Variants in GZMK observed in about 807,000 individuals in gnomAD.
GZMK encodes NK-Tryp-2.
A neutral mutation model predicts 22.8 loss-of-function variants in GZMK; 18 were observed. The observed-to-expected ratio is 0.79, with a 90% CI of 0.54 to 1.17. The LOEUF (loss-of-function observed/expected upper bound fraction) is 1.17. Among genes scored for constraint, GZMK ranks in the 50% most tolerant of loss-of-function variants. GZMK has a pLI of 0.00. For synonymous variants in GZMK, 136 were observed against 115.0 expected, an observed-to-expected ratio of 1.18 and a Z score of -1.17; for missense variants, 342 against 320.2, an observed-to-expected ratio of 1.07 and a Z score of -0.52.
rs1287483067 is a variant in GZMK at position 55,033,886 on chromosome 5, C to T, written c.755C>T (p.Thr252Ile). 1.2e-6 allele frequency: 2 copies of T among 1,613,278 alleles called. No individual in the cohort carries two copies. Among genetic ancestry groups the T allele is most frequent in the Non-Finnish European group, 1.7e-6 (2 of 1,179,630 alleles). Residue 252 changes from threonine (T) to isoleucine (I), a missense_variant, in exon 5 of 5, where the codon ACT becomes ATT. By Grantham distance (89) the Thr-to-Ile change is moderately conservative (BLOSUM62 -1). Coordinates refer to ENST00000231009, the MANE Select transcript of GZMK (RefSeq NM_002104.3). ...ACCCTGTTAACCAAGAAATACCAGA[C>T]TTGGATCAAAAGCAACCTTGTCCCG... ...IYTLLTKKYQTWIKSNLVPPH... is the reference protein window; with the variant it reads ...IYTLLTKKYQIWIKSNLVPPH...
At chr5:55,031,175 T>C (rs1741222991) in intron 3 of GZMK, among the ~76,000 whole-genome samples, 189 bp from the exon 4 acceptor site, 2 of 152,150 alleles carry the variant, frequency 1.3e-5, no homozygotes, top group Non-Finnish European at 2.9e-5. Context: ...CAAGCCTCAG[T>C]GAGCTCCTCG....
chr5:55,031,515 C>T lies in GZMK; in HGVS notation c.515C>T (p.Thr172Ile). 6.2e-7 allele frequency: 1 copy of T among 1,614,136 alleles called. No homozygotes were observed. The highest frequency in any genetic ancestry group is 8.5e-7 in the Non-Finnish European group (1 of 1,179,976). Residue 172 changes from threonine (T) to isoleucine (I), a missense_variant, in exon 4 of 5, where the codon ACT becomes ATT. Coordinates refer to ENST00000231009, the MANE Select transcript of GZMK (RefSeq NM_002104.3). ...LRPSDTLREV[T>I]VTVLSRKLCN... ...CCTTCTGACACCCTGCGAGAAGTCA[C>T]TGTTACTGTCCTAAGTCGAAAACTT...
chr5:55,027,078 C>T (rs1741152509), intron 2 of GZMK: 1 of 152,176 alleles, frequency 6.6e-6, no homozygotes. Flanking sequence ...CTCCTGGAGG[C>T]AAAGGTCCTC....
intron 3 of GZMK, among the ~76,000 whole-genome samples, chr5:55,030,854 G>A (rs1741218489): frequency 6.6e-6 from 1 of 152,092 alleles, no homozygotes. Flanking sequence ...CAGGCCCAAG[G>A]ATCCACACTG....
intron 2 of GZMK, chr5:55,025,029 A>G: frequency 2.5e-6 from 1 of 392,704 alleles, no homozygotes; most frequent in East Asian, 3.8e-5. Flanking sequence ...GACATTAGAC[A>G]AATTCAAGTC....
intron 4 of GZMK, among the ~76,000 whole-genome samples, chr5:55,031,912 G>A (rs541049491): frequency 6.6e-6 from 1 of 152,150 alleles, no homozygotes; most frequent in Non-Finnish European, 1.5e-5. Flanking sequence ...CCTATGAGAG[G>A]TGTTATCCTC....
At chr5:55,027,699 T>G (rs1449748019) in intron 2 of GZMK, 1 of 152,242 alleles carries the variant, frequency 6.6e-6, no homozygotes, top group African/African-American at 2.4e-5. Flanking sequence ...TGTTTACAGA[T>G]GTCTTCAGCA....
intron 2 of GZMK, among the ~76,000 whole-genome samples, chr5:55,029,731 T>C (rs1263248583): frequency 6.6e-6 from 1 of 152,066 alleles, no homozygotes; most frequent in Non-Finnish European, 1.5e-5. Context: ...CCCCTTAATG[T>C]TTTTTTAGAG....
chr5:55,033,809 T>G lies in GZMK; in HGVS notation c.678T>G (p.Ala226=). The change falls in exon 5 of 5, where the codon GCT becomes GCG. Residue 226 remains alanine (A), a synonymous_variant. Transcript: ENST00000231009. Reference sequence around the variant, plus strand: ...TGATCTGTAAAGGTGTCTTCCACGCTATAGTCTCTGGAGGTCATGAATGTG... The same window carrying G: ...TGATCTGTAAAGGTGTCTTCCACGCGATAGTCTCTGGAGGTCATGAATGTG... The part of the protein sequence containing the change: ...GPLICKGVFH[A]IVSGGHECGV... 6.2e-7 allele frequency: 1 copy of G among 1,613,960 alleles called. No homozygotes were observed. The highest frequency in any genetic ancestry group is 8.5e-7 in the Non-Finnish European group (1 of 1,179,904).
intron 2 of GZMK, among the ~76,000 whole-genome samples, chr5:55,029,542 TTTTG>T (rs72151093): frequency 0.19 from 28,704 of 150,388 alleles, 3,261 homozygotes; most frequent in South Asian, 0.36. Flanking sequence ...TCTTTGTGGT[TTTTG>T]TTTGTTTGTT....
chr5:55,032,013 C>A (rs1741242969), intron 4 of GZMK, among the ~76,000 whole-genome samples: 1 of 81,550 alleles, frequency 1.2e-5, no homozygotes, highest in African/African-American at 9.4e-5. Flanking sequence ...AATAAGGAGG[C>A]CTTAAAGACT....
At chr5:55,026,292 A>G (rs1292891997) in intron 2 of GZMK, among the ~76,000 whole-genome samples, 2 of 152,234 alleles carry the variant, frequency 1.3e-5, no homozygotes, top group African/African-American at 4.8e-5. Context: ...GAAATTAAAT[A>G]ATATCACTAA....
intron 4 of GZMK, among the ~76,000 whole-genome samples, 183 bp downstream of exon 4, chr5:55,031,816 T>A (rs1741240196): frequency 6.6e-6 from 1 of 152,172 alleles, no homozygotes; most frequent in Admixed American, 6.5e-5. Flanking sequence ...GGATGGATTG[T>A]AAAAACTTCC....
Position 55,024,306 on chromosome 5 carries a change from A to T in GZMK, c.-17A>T. 1 of 1,224,434 alleles carries T rather than the reference A, an allele frequency of 8.2e-7. No individual in the cohort carries two copies. The highest frequency in any genetic ancestry group is 1.2e-6 in the Non-Finnish European group (1 of 828,154). 75.8% of individuals were successfully genotyped at this position (1,224,434 alleles called of 1,614,324 possible). A position where few individuals can be genotyped will look rare whatever the true frequency, so the allele number is the denominator to read the frequency against. The stretch of plus-strand genomic sequence containing the variant: ...TCAACACATTTCATCTGGGCTTCTT[A>T]AATCTAAATCTTTAAAATGACTAAG... On this transcript the variant is annotated 5_prime_UTR_variant, in exon 1 of 5. Coordinates refer to ENST00000231009, the MANE Select transcript of GZMK (RefSeq NM_002104.3).
At chr5:55,029,026 G>A (rs1741180036) in intron 2 of GZMK, among the ~76,000 whole-genome samples, 1 of 152,190 alleles carries the variant, frequency 6.6e-6, no homozygotes, top group Non-Finnish European at 1.5e-5. Flanking sequence ...CCTGAGGTCA[G>A]GAGATTGAGA....
At position 55,031,564 on chromosome 5, in the gene GZMK, C is replaced by G. The variant is rs78739734; in HGVS notation, c.564C>G (p.Asn188Lys). The G allele has an allele frequency of 2.5e-6, 4 of 1,613,730 alleles. No homozygotes were observed. The highest frequency in any genetic ancestry group is 3.4e-6 in the Non-Finnish European group (4 of 1,179,598). The part of the protein sequence containing the change: ...RKLCNSQSYY[N>K]GDPFITKDMV... Reference sequence around the variant, plus strand: ...TTTGCAACAGCCAAAGTTACTACAACGGCGACCCTTTTATCACCAAAGACA... The same window carrying G: ...TTTGCAACAGCCAAAGTTACTACAAGGGCGACCCTTTTATCACCAAAGACA... The change falls in exon 4 of 5, where the codon AAC (asparagine) becomes AAG (lysine). Residue 188 changes from asparagine (N) to lysine (K), a missense_variant. By Grantham distance (94) the Asn-to-Lys change is moderately conservative (BLOSUM62 0). Transcript: ENST00000231009.
chr5:55,033,996 TAAGTA>T lies in GZMK; in HGVS notation c.*74_*78del. On this transcript the variant is annotated 3_prime_UTR_variant, in exon 5 of 5. Coordinates refer to ENST00000231009, the MANE Select transcript of GZMK (RefSeq NM_002104.3). ...TATGCTCGCAGGTTAGAGTTGGGTG[TAAGTA>T]AAGCAGAGCACATATGGGGTCCATT... The T allele has an allele frequency of 3.9e-6, 5 of 1,290,120 alleles. No individual in the cohort carries two copies. In the South Asian group the frequency reaches 7.0e-5, roughly 18 times the overall value. 79.9% of individuals were successfully genotyped at this position (1,290,120 alleles called of 1,614,324 possible).
rs1561259819 is a variant in GZMK at position 55,034,196 on chromosome 5, C to T, written c.*270C>T. ...CATTGCACCCACACTCGCCAAAGGG[C>T]AATAAGGTCACTGAATAAAACAGTA... is the stretch of plus-strand genomic sequence containing the variant. On this transcript the variant is annotated 3_prime_UTR_variant, in exon 5 of 5. Coordinates refer to ENST00000231009, the MANE Select transcript of GZMK (RefSeq NM_002104.3). 2.8e-6 allele frequency: 1 copy of T among 358,112 alleles called. No homozygotes were observed. Among genetic ancestry groups the T allele is most frequent in the Non-Finnish European group, 5.0e-6 (1 of 198,110 alleles). 22.2% of individuals were successfully genotyped at this position (358,112 alleles called of 1,614,324 possible).
chr5:55,033,767 T>C lies in GZMK; in HGVS notation c.636T>C (p.Gly212=). Reference sequence around the variant, plus strand: ...TTTGCCCTTTTTCTTCCTTCCAGGGTGACTCAGGGGGCCCCTTGATCTGTA... The same window carrying C: ...TTTGCCCTTTTTCTTCCTTCCAGGGCGACTCAGGGGGCCCCTTGATCTGTA... ...DAKGQKDSCK[G]DSGGPLICKG... The change falls in exon 5 of 5, where the codon GGT becomes GGC. Residue 212 remains glycine, a splice_region_variant and synonymous_variant. Transcript: ENST00000231009. 6.3e-7 allele frequency: 1 copy of C among 1,594,176 alleles called. No individual in the cohort carries two copies. The highest frequency in any genetic ancestry group is 8.5e-7 in the Non-Finnish European group (1 of 1,174,592).
Sources: allele counts gnomAD v4.1 joint callset (sites outside exome capture counted in the v4.1 genomes callset), GRCh38; gene constraint gnomAD v4.1.1; transcripts MANE v1.5; gene names NCBI Gene and HGNC (gene_info 2026-07-23, HGNC 2026-07-21).